The following LMX1A variants were observed in gnomAD, a reference collection of about 807,000 sequenced individuals.
LMX1A encodes LIM homeobox transcription factor 1-alpha.
LMX1A carries 15 observed loss-of-function variants against 49.1 expected under a neutral mutation model. That is an observed-to-expected ratio of 0.31 (90% CI 0.20 to 0.47). The LOEUF (loss-of-function observed/expected upper bound fraction) is 0.47, where lower values mean the gene tolerates loss of function less well. Among genes scored for constraint, LMX1A ranks in the 20% least tolerant of loss-of-function variants. The pLI is 1.00. For synonymous variants in LMX1A, 167 were observed against 185.7 expected (o/e 0.90, Z 0.82); for missense variants, 372 against 475.8 (o/e 0.78, Z 2.03).
intron 3 of LMX1A, among the ~76,000 whole-genome samples, chr1:165,299,332 G>A (rs1654708918): frequency 6.6e-6 from 1 of 152,216 alleles, no homozygotes; most frequent in African/African-American, 2.4e-5. Context: ...CATTCTTGTA[G>A]CCAGTCCTAG....
chr1:165,229,248 T>C (rs978753767), intron 4 of LMX1A, among the ~76,000 whole-genome samples: 1 of 152,138 alleles, frequency 6.6e-6, no homozygotes, highest in African/African-American at 2.4e-5. Context: ...GAACATGAAA[T>C]AGAGCATCAG....
chr1:165,280,449 G>C (rs1054823206), intron 3 of LMX1A, among the ~76,000 whole-genome samples: 1 of 152,136 alleles, frequency 6.6e-6, no homozygotes, highest in Non-Finnish European at 1.5e-5. Flanking sequence ...TAAAGATGAA[G>C]GGGAGCATTC....
intron 3 of LMX1A, among the ~76,000 whole-genome samples, chr1:165,333,999 C>T (rs1485774097): frequency 6.6e-6 from 1 of 152,142 alleles, no homozygotes; most frequent in Non-Finnish European, 1.5e-5. Context: ...ATTAGTATCT[C>T]CCTTATAGAA....
At chr1:165,266,599 T>TC (rs1414352229) in intron 3 of LMX1A, among the ~76,000 whole-genome samples, 203 of 128,764 alleles carry the variant, frequency 1.6e-3, no homozygotes, top group African/African-American at 5.6e-3. Context: ...TTCTTTCTTT[T>TC]TTTTTTTTTT....
rs529909705 is a variant in LMX1A at position 165,208,569 on chromosome 1, G to A, written c.748-437C>T. ...GTCTGCTGGCCCTTAAGATTGAGAT[G>A]AGCCTACCCAGAGATTCATGCCTCT... is the stretch of plus-strand genomic sequence containing the variant. On this transcript the variant is annotated intron_variant, in intron 6 of 8. Coordinates refer to ENST00000342310, the MANE Select transcript of LMX1A (RefSeq NM_177398.4). Among the ~76,000 whole-genome samples, 4 of 152,310 alleles carry A rather than the reference G, an allele frequency of 2.6e-5. No individual in the cohort carries two copies. The South Asian group carries it at 6.2e-4, about 24-fold the overall frequency.
intron 3 of LMX1A, among the ~76,000 whole-genome samples, chr1:165,324,237 C>T (rs1055934530): frequency 1.2e-4 from 18 of 152,210 alleles, no homozygotes; most frequent in Admixed American, 9.2e-4. Context: ...TGAAAACTAA[C>T]GCCCACCTAG....
At chr1:165,296,117 C>G (rs1654607422) in intron 3 of LMX1A, among the ~76,000 whole-genome samples, 1 of 152,188 alleles carries the variant, frequency 6.6e-6, no homozygotes, top group East Asian at 1.9e-4. Flanking sequence ...CATATCTCCC[C>G]TCCTTCGTCT....
At chr1:165,254,444 C>A (rs1653162539) in intron 3 of LMX1A, among the ~76,000 whole-genome samples, 1 of 149,514 alleles carries the variant, frequency 6.7e-6, no homozygotes, top group Admixed American at 6.7e-5. Flanking sequence ...GTTTTTCCCT[C>A]CCTTTCTGGG....
intron 4 of LMX1A, among the ~76,000 whole-genome samples, chr1:165,239,889 A>T (rs1652584816): frequency 6.6e-6 from 1 of 152,226 alleles, no homozygotes; most frequent in African/African-American, 2.4e-5. Flanking sequence ...TATTCACAGC[A>T]CCTGGCACAG....
Position 165,249,557 on chromosome 1 carries a change from T to C in LMX1A, c.347A>G (p.His116Arg). Residue 116 changes from histidine to arginine, a missense_variant, in exon 4 of 9, where the codon CAC (histidine) becomes CGC (arginine). His to Arg is a conservative substitution (Grantham distance 29, BLOSUM62 0). This residue lies in a region of LMX1A where 199 missense variants were observed against 244.0 expected (regional missense o/e 0.82). Coordinates refer to ENST00000342310, the MANE Select transcript of LMX1A (RefSeq NM_177398.4). ...GACACAGCAGCAGAAGCAGCTCAGG[T>C]GGTATACACTCTTCTGGGCCCGCAT... is the stretch of plus-strand genomic sequence containing the variant. Reference protein sequence around the residue: ...FVMRAQKSVYHLSCFCCCVCE... With the variant: ...FVMRAQKSVYRLSCFCCCVCE... The C allele has an allele frequency of 6.2e-7, 1 of 1,614,070 alleles. No individual in the cohort carries two copies. The highest frequency in any genetic ancestry group is 1.3e-5 in the African/African-American group (1 of 75,008).
At chr1:165,210,125 G>A (rs182208899) in intron 6 of LMX1A, among the ~76,000 whole-genome samples, 1 of 152,342 alleles carries the variant, frequency 6.6e-6, no homozygotes, top group Admixed American at 6.5e-5. Context: ...AAAGATCAGG[G>A]CTCTTGAGAA....
chr1:165,206,043 C>T lies in LMX1A; in HGVS notation c.818-9G>A, dbSNP rs750887427. 9.8e-6 allele frequency: 15 copies of T among 1,529,586 alleles called. No homozygotes were observed. The highest frequency in any genetic ancestry group is 3.5e-4 in the Middle Eastern group (2 of 5,692). The allele number at this position is 1,529,586 out of a possible 1,614,324, so 94.8% of individuals were successfully genotyped here. The stretch of plus-strand genomic sequence containing the variant: ...ACCACCGTTTGTCTGAGCTGTGGAA[C>T]AAAGAAGAAGCCAGGTCATTCTCAA... On this transcript the variant is annotated splice_polypyrimidine_tract_variant and intron_variant, in intron 7 of 8. Transcript: ENST00000342310.
intron 3 of LMX1A, among the ~76,000 whole-genome samples, chr1:165,275,115 T>C (rs981425755): frequency 5.3e-5 from 8 of 152,166 alleles, no homozygotes; most frequent in Non-Finnish European, 8.8e-5. Context: ...AGGAACCCTA[T>C]GGTTTCCAAT....
In LMX1A at chr1:165,281,953, A is replaced by G. The variant is rs1012088475; in HGVS notation, c.264-32313T>C. ...CAATTTCTCACTTAGATCTCTTGTG[A>G]TCAATGACCCCCAGGTGTGAAATGG... On this transcript the variant is annotated intron_variant, in intron 3 of 8. Transcript: ENST00000342310. 4.6e-5 allele frequency among the ~76,000 whole-genome samples: 7 copies of G among 152,270 alleles called. No homozygotes were observed. In the East Asian group the frequency reaches 1.4e-3, roughly 29 times the overall value.
intron 3 of LMX1A, among the ~76,000 whole-genome samples, chr1:165,281,174 G>T (rs907183500): frequency 6.6e-6 from 1 of 152,160 alleles, no homozygotes; most frequent in Non-Finnish European, 1.5e-5. Flanking sequence ...AGGAAAAGGA[G>T]TAGAAGGCAC....
chr1:165,215,638 A>T (rs1007147786), intron 4 of LMX1A, among the ~76,000 whole-genome samples: 4 of 152,234 alleles, frequency 2.6e-5, no homozygotes, highest in Non-Finnish European at 4.4e-5. Context: ...GAGCCAAAAA[A>T]ACTTATTTAA....
At chr1:165,335,068 A>T (rs1395827873) in intron 3 of LMX1A, among the ~76,000 whole-genome samples, 1 of 152,248 alleles carries the variant, frequency 6.6e-6, no homozygotes, top group East Asian at 1.9e-4. Flanking sequence ...TTGAAAGAAA[A>T]TATTTCTATG....
chr1:165,331,653 A>G (rs1348948375), intron 3 of LMX1A, among the ~76,000 whole-genome samples: 1 of 152,224 alleles, frequency 6.6e-6, no homozygotes, highest in East Asian at 1.9e-4. Context: ...ACGGTGGCTC[A>G]CACCTGTAAT....
chr1:165,205,855 C>T lies in LMX1A; in HGVS notation c.988+9G>A, dbSNP rs375424933. 6.2e-7 allele frequency: 1 copy of T among 1,613,554 alleles called. No individual in the cohort carries two copies. The highest frequency in any genetic ancestry group is 8.5e-7 in the Non-Finnish European group (1 of 1,179,840). ...ATGAGAGGGCCCGAGGGGCTTAAGT[C>T]CCTCTTACCATAAGGGTGCATGTGG... On this transcript the variant is annotated intron_variant, in intron 8 of 8. Coordinates refer to ENST00000342310, the MANE Select transcript of LMX1A (RefSeq NM_177398.4).
Sources: gnomAD v4.1 joint callset for allele counts (sites outside exome capture counted in the v4.1 genomes callset) on GRCh38, gnomAD v4.1.1 for gene constraint, gnomAD v4.1.1 regional missense constraint, MANE v1.5 for transcripts, NCBI Gene and HGNC (gene_info 2026-07-23, HGNC 2026-07-21) for gene names.